The following NR6A1 variants were observed in gnomAD, a reference collection of about 807,000 sequenced individuals.
The protein encoded by NR6A1 is nuclear receptor subfamily 6 group A member 1.
A neutral mutation model predicts 59.1 loss-of-function variants in NR6A1; 7 were observed. The ratio of observed to expected loss-of-function variants is 0.12; its 90% CI spans 0.07 to 0.22. The LOEUF (loss-of-function observed/expected upper bound fraction) is 0.22. Ranked by LOEUF, NR6A1 falls within the 10% of genes least tolerant of loss-of-function variation. The pLI is 1.00. For missense variants in NR6A1, 468 were observed against 611.6 expected (o/e 0.77, Z 2.48); for synonymous variants, 243 against 236.1 (o/e 1.03, Z -0.27).
At chr9:124,558,025 T>G (rs894941969) in intron 2 of NR6A1, among the ~76,000 whole-genome samples, 1 of 152,194 alleles carries the variant, frequency 6.6e-6, no homozygotes, top group African/African-American at 2.4e-5. Flanking sequence ...GTTATCACCC[T>G]TTTGTAAATG....
chr9:124,733,950 G>T (rs190660739), intron 1 of NR6A1, among the ~76,000 whole-genome samples: 1 of 152,248 alleles, frequency 6.6e-6, no homozygotes, highest in African/African-American at 2.4e-5. Context: ...GACCCAAAAA[G>T]TATGAGCTAT....
chr9:124,544,730 G>C (rs1452636281), intron 3 of NR6A1, among the ~76,000 whole-genome samples: 4 of 152,154 alleles, frequency 2.6e-5, no homozygotes, highest in Admixed American at 1.3e-4. Flanking sequence ...TGGCCTATGT[G>C]GGGGAAGAGT....
chr9:124,767,250 C>A (rs1254251306), intron 1 of NR6A1, among the ~76,000 whole-genome samples: 1 of 152,168 alleles, frequency 6.6e-6, no homozygotes, highest in Non-Finnish European at 1.5e-5. Flanking sequence ...AGCTCCCCAT[C>A]CAACTCCCTT....
At chr9:124,538,497 G>A (rs1377441018) in intron 5 of NR6A1, among the ~76,000 whole-genome samples, 178 bp from the exon 6 acceptor site, 2 of 152,182 alleles carry the variant, frequency 1.3e-5, no homozygotes, top group African/African-American at 4.8e-5. Context: ...CCATCTGTAA[G>A]ACAAAGACTC....
intron 2 of NR6A1, among the ~76,000 whole-genome samples, chr9:124,627,882 CT>C (rs59874800): frequency 0.015 from 1,291 of 83,664 alleles, 19 homozygotes; most frequent in East Asian, 0.072. Context: ...CTGAGATTTT[CT>C]TTTTTTTTTT....
At chr9:124,563,604 C>T (rs1272017784) in intron 2 of NR6A1, among the ~76,000 whole-genome samples, 3 of 152,180 alleles carry the variant, frequency 2.0e-5, no homozygotes, top group Admixed American at 2.0e-4. Flanking sequence ...CAAGTTCTGT[C>T]CTAAATTTGT....
chr9:124,636,585 C>A (rs1836617888), intron 2 of NR6A1, among the ~76,000 whole-genome samples: 1 of 152,108 alleles, frequency 6.6e-6, no homozygotes. Context: ...TCAAGTTAAT[C>A]TTTGTGACGG....
intron 1 of NR6A1, among the ~76,000 whole-genome samples, chr9:124,768,282 T>TA (rs1170143336): frequency 2.0e-5 from 3 of 152,012 alleles, no homozygotes; most frequent in Admixed American, 6.6e-5. Flanking sequence ...TCACTAGGAG[T>TA]AAAAAACAGA....
chr9:124,589,482 T>A (rs9722771), intron 2 of NR6A1, among the ~76,000 whole-genome samples: 1 of 151,808 alleles, frequency 6.6e-6, no homozygotes, highest in Admixed American at 6.6e-5. Flanking sequence ...ATAAAAAAAA[T>A]AAACATAAAT....
chr9:124,729,917 A>G (rs1283625642), intron 2 of NR6A1, among the ~76,000 whole-genome samples: 1 of 151,910 alleles, frequency 6.6e-6, no homozygotes, highest in African/African-American at 2.4e-5. Flanking sequence ...GGTTCAAGCA[A>G]TTCTCCTGCC....
chr9:124,629,041 C>T (rs866845094), intron 2 of NR6A1, among the ~76,000 whole-genome samples: 10 of 152,316 alleles, frequency 6.6e-5, no homozygotes, highest in African/African-American at 1.9e-4. Flanking sequence ...CAAAGACAGG[C>T]CAAAGAGGCC....
intron 2 of NR6A1, among the ~76,000 whole-genome samples, chr9:124,619,348 C>A (rs1293032036): frequency 6.6e-6 from 1 of 152,168 alleles, no homozygotes; most frequent in Non-Finnish European, 1.5e-5. Context: ...AATGCAACCT[C>A]CGCCTCCTGG....
intron 1 of NR6A1, among the ~76,000 whole-genome samples, chr9:124,750,389 C>A (rs1840460821): frequency 6.6e-6 from 1 of 152,216 alleles, no homozygotes; most frequent in Admixed American, 6.5e-5. Flanking sequence ...AACCTCACAA[C>A]AGCATCTTTC....
chr9:124,737,417 G>A (rs1419824248), intron 1 of NR6A1, among the ~76,000 whole-genome samples: 1 of 152,218 alleles, frequency 6.6e-6, no homozygotes, highest in Non-Finnish European at 1.5e-5. Flanking sequence ...TTGTCAAGCA[G>A]AGTTTTGCCC....
At chr9:124,717,185 C>A (rs28865904) in intron 2 of NR6A1, among the ~76,000 whole-genome samples, 2 of 151,984 alleles carry the variant, frequency 1.3e-5, no homozygotes, top group East Asian at 1.9e-4. Flanking sequence ...GAAATCTGTT[C>A]GGAAATTTCA....
chr9:124,656,549 G>A (rs1355191252), intron 2 of NR6A1, among the ~76,000 whole-genome samples: 3 of 152,126 alleles, frequency 2.0e-5, no homozygotes, highest in Non-Finnish European at 4.4e-5. Flanking sequence ...AACAGACAGA[G>A]GCTAGGCACG....
chr9:124,685,121 T>A (rs1225597614), intron 2 of NR6A1, among the ~76,000 whole-genome samples: 2 of 152,194 alleles, frequency 1.3e-5, no homozygotes, highest in East Asian at 3.8e-4. Context: ...CCCTTCTAAA[T>A]CTGTTTCTTC....
At chr9:124,725,655 CA>C (rs1279828086) in intron 2 of NR6A1, among the ~76,000 whole-genome samples, 1 of 152,132 alleles carries the variant, frequency 6.6e-6, no homozygotes, top group Non-Finnish European at 1.5e-5. Flanking sequence ...GTAATATCCT[CA>C]AAAGTCATGC....
intron 2 of NR6A1, among the ~76,000 whole-genome samples, chr9:124,675,456 A>G (rs1191911747): frequency 6.6e-6 from 1 of 152,192 alleles, no homozygotes; most frequent in Admixed American, 6.5e-5. Flanking sequence ...CTCCTTGTAC[A>G]AGGTACTGTT....
Sources: allele counts gnomAD v4.1 joint callset (sites outside exome capture counted in the v4.1 genomes callset), GRCh38; gene constraint gnomAD v4.1.1; transcripts MANE v1.5; gene names NCBI Gene and HGNC (gene_info 2026-07-23, HGNC 2026-07-21).